The following PRKG1 variants were observed in gnomAD, a reference collection of about 807,000 sequenced individuals.
The protein encoded by PRKG1 is cGMP-dependent protein kinase 1.
Under a neutral mutation model 88.1 loss-of-function variants are expected in PRKG1, and 35 were observed. That is an observed-to-expected ratio of 0.40 (90% CI 0.30 to 0.53). The LOEUF (loss-of-function observed/expected upper bound fraction) is 0.53, where lower values mean the gene tolerates loss of function less well. Ranked by LOEUF, PRKG1 falls within the 20% of genes least tolerant of loss-of-function variation. The pLI is 0.59. For synonymous variants in PRKG1, 303 were observed against 292.5 expected (o/e 1.04, Z -0.37); for missense variants, 540 against 839.8 (o/e 0.64, Z 4.41).
chr10:51,507,734 T>C (rs1433022818), intron 3 of PRKG1, among the ~76,000 whole-genome samples: 1 of 152,132 alleles, frequency 6.6e-6, no homozygotes, highest in Non-Finnish European at 1.5e-5. Context: ...TGAAGATGAC[T>C]GGAATAGCCA....
chr10:51,205,226 G>T (rs1270709523), intron 2 of PRKG1, among the ~76,000 whole-genome samples: 2 of 135,000 alleles, frequency 1.5e-5, no homozygotes, highest in African/African-American at 5.5e-5. Context: ...TACCACCTCT[G>T]CCTCCCAGGT....
At chr10:52,061,476 A>G (rs1278827956) in intron 6 of PRKG1, among the ~76,000 whole-genome samples, 2 of 152,084 alleles carry the variant, frequency 1.3e-5, no homozygotes, top group Non-Finnish European at 2.9e-5. Flanking sequence ...TGTGAATGTT[A>G]GTAGAGCTTG....
chr10:51,452,255 C>T (rs1031403206), intron 2 of PRKG1, among the ~76,000 whole-genome samples: 6 of 151,958 alleles, frequency 3.9e-5, no homozygotes, highest in African/African-American at 1.4e-4. Context: ...TCTGTCTATA[C>T]TGCAGATTTA....
intron 3 of PRKG1, among the ~76,000 whole-genome samples, chr10:51,753,128 G>T (rs552387528): frequency 1.3e-5 from 2 of 152,008 alleles, no homozygotes; most frequent in East Asian, 1.9e-4. Flanking sequence ...TATTACAAAT[G>T]ATAGATAGTT....
In PRKG1 at chr10:52,294,072, T is replaced by C. The variant is rs977007489; in HGVS notation, c.*172T>C. 5.8e-6 allele frequency: 3 copies of C among 515,734 alleles called. No individual in the cohort carries two copies. Among genetic ancestry groups the C allele is most frequent in the Admixed American group, 3.5e-5 (1 of 28,286 alleles). 31.9% of individuals were successfully genotyped at this position (515,734 alleles called of 1,614,324 possible). On this transcript the variant is annotated 3_prime_UTR_variant, in exon 18 of 18. Transcript: ENST00000373980. ...TTAGGACTTACCGCTTAGATGACAATAGTGCTCTTTACATGTTTTCTGTTT... is the reference window on the plus strand; with the variant it reads ...TTAGGACTTACCGCTTAGATGACAACAGTGCTCTTTACATGTTTTCTGTTT...
At chr10:51,613,620 A>G (rs570435984) in intron 3 of PRKG1, among the ~76,000 whole-genome samples, 16 of 151,270 alleles carry the variant, frequency 1.1e-4, no homozygotes, top group Non-Finnish European at 2.1e-4. Context: ...TTGATTCAGC[A>G]TTTATTTCTG....
chr10:51,600,354 A>G (rs1448120471), intron 3 of PRKG1, among the ~76,000 whole-genome samples: 1 of 152,166 alleles, frequency 6.6e-6, no homozygotes, highest in Non-Finnish European at 1.5e-5. Flanking sequence ...TCCCATGGCT[A>G]AGAATCTCAT....
intron 2 of PRKG1, among the ~76,000 whole-genome samples, chr10:51,399,759 G>T (rs906502556): frequency 2.0e-5 from 3 of 151,912 alleles, no homozygotes; most frequent in Non-Finnish European, 2.9e-5. Flanking sequence ...ATTTTTTTTT[G>T]ATGATGGTTA....
chr10:52,152,303 A>G (rs1176606143), intron 8 of PRKG1, among the ~76,000 whole-genome samples: 2 of 152,188 alleles, frequency 1.3e-5, no homozygotes, highest in Non-Finnish European at 2.9e-5. Flanking sequence ...AAATAGAGAT[A>G]CTGATAAAGA....
intron 13 of PRKG1, 103 bp from the exon 14 acceptor site, chr10:52,282,050 A>G: frequency 8.6e-7 from 1 of 1,165,878 alleles, no homozygotes; most frequent in Non-Finnish European, 1.2e-6. Flanking sequence ...AAAAACATAC[A>G]TGTTTTTAAA....
chr10:51,818,340 A>G (rs1316833396), intron 4 of PRKG1, among the ~76,000 whole-genome samples: 1 of 152,182 alleles, frequency 6.6e-6, no homozygotes. Flanking sequence ...ACATCTAGTT[A>G]GTCTTTCTAG....
chr10:51,789,513 G>C (rs1473861851), intron 3 of PRKG1, among the ~76,000 whole-genome samples: 1 of 152,078 alleles, frequency 6.6e-6, no homozygotes, highest in Admixed American at 6.5e-5. Flanking sequence ...AAAAATCACA[G>C]ATCATCTGTT....
In PRKG1 at chr10:52,264,959, T is replaced by C. The variant is rs546330137; in HGVS notation, c.1174-6391T>C. Among the ~76,000 whole-genome samples, 3 of 152,226 alleles carry C rather than the reference T, an allele frequency of 2.0e-5. No homozygotes were observed. In the South Asian group the frequency reaches 6.2e-4, roughly 32 times the overall value. ...TTCCTTAAGCGACCTTTGTGTTACTTGGAGTATTTCCCCTTTTCCTTCTTC... is the reference window on the plus strand; with the variant it reads ...TTCCTTAAGCGACCTTTGTGTTACTCGGAGTATTTCCCCTTTTCCTTCTTC... On this transcript the variant is annotated intron_variant, in intron 10 of 17. Coordinates refer to ENST00000373980, the MANE Select transcript of PRKG1 (RefSeq NM_006258.4).
intron 1 of PRKG1, among the ~76,000 whole-genome samples, chr10:51,145,900 T>C (rs1173418313): frequency 3.3e-5 from 5 of 152,154 alleles, no homozygotes; most frequent in Admixed American, 3.3e-4. Flanking sequence ...TATACTAATT[T>C]ACATTCTCAC....
chr10:52,255,710 T>A (rs1351097607), intron 10 of PRKG1, among the ~76,000 whole-genome samples: 1 of 151,972 alleles, frequency 6.6e-6, no homozygotes, highest in Non-Finnish European at 1.5e-5. Flanking sequence ...CAGCAGGGGT[T>A]CAGTGTGTGG....
At chr10:51,683,300 A>C (rs1257683951) in intron 3 of PRKG1, among the ~76,000 whole-genome samples, 1 of 151,822 alleles carries the variant, frequency 6.6e-6, no homozygotes, top group Admixed American at 6.6e-5. Flanking sequence ...AGCCTCTGCA[A>C]GGGAGTGAGG....
intron 3 of PRKG1, among the ~76,000 whole-genome samples, chr10:51,621,921 C>T (rs1362820151): frequency 2.0e-5 from 3 of 152,148 alleles, no homozygotes; most frequent in Admixed American, 1.3e-4. Flanking sequence ...ACTCTTGATT[C>T]GGTTCCTTAC....
At chr10:51,457,753 T>C (rs1839628140) in intron 2 of PRKG1, among the ~76,000 whole-genome samples, 1 of 152,178 alleles carries the variant, frequency 6.6e-6, no homozygotes, top group Non-Finnish European at 1.5e-5. Context: ...TTGATAAAGC[T>C]CTTCTTACGC....
At chr10:51,218,298 T>C (rs1253317242) in intron 2 of PRKG1, among the ~76,000 whole-genome samples, 3 of 151,748 alleles carry the variant, frequency 2.0e-5, no homozygotes, top group South Asian at 4.1e-4. Flanking sequence ...TTTGGTGAAG[T>C]TGAAGTCACT....
Sources: allele counts gnomAD v4.1 joint callset (sites outside exome capture counted in the v4.1 genomes callset), GRCh38; gene constraint gnomAD v4.1.1; transcripts MANE v1.5; gene names NCBI Gene and HGNC (gene_info 2026-07-23, HGNC 2026-07-21).